NOVA1: variants seen among roughly 807,000 people sequenced by gnomAD.
NOVA1 encodes NOVA alternative splicing regulator 1.
A neutral mutation model predicts 38.0 loss-of-function variants in NOVA1; 7 were observed. That is an observed-to-expected ratio of 0.18 (90% CI 0.10 to 0.35). The LOEUF is 0.35. Among genes scored for constraint, NOVA1 ranks in the 10% least tolerant of loss-of-function variants. The pLI is 1.00. For synonymous variants in NOVA1, 270 were observed against 232.5 expected, an observed-to-expected ratio of 1.16 and a Z score of -1.47; for missense variants, 460 against 616.0, an observed-to-expected ratio of 0.75 and a Z score of 2.68.
At chr14:26,568,536 G>A (rs1485722556) in intron 2 of NOVA1, 1 of 152,114 alleles carries the variant, frequency 6.6e-6, no homozygotes, top group Non-Finnish European at 1.5e-5. Flanking sequence ...GACAGTATAA[G>A]CAAGGAAACC....
chr14:26,449,155 G>T (rs1175215057), intron 4 of NOVA1, among the ~76,000 whole-genome samples, 192 bp from the exon 5 acceptor site: 3 of 151,952 alleles, frequency 2.0e-5, no homozygotes, highest in African/African-American at 7.3e-5. Context: ...AATTTTCAAA[G>T]GAAAAACTCA....
In NOVA1 at chr14:26,448,977, A is replaced by C; in HGVS notation, c.520-14T>G. ...TATAATCTTTACCTGTAATTAAAAAAAATACGTATAAATAATACTTCTGTT... is the reference window on the plus strand; with the variant it reads ...TATAATCTTTACCTGTAATTAAAAACAATACGTATAAATAATACTTCTGTT... On this transcript the variant is annotated splice_polypyrimidine_tract_variant and intron_variant, in intron 4 of 4. Coordinates refer to ENST00000539517, the MANE Select transcript of NOVA1 (RefSeq NM_002515.3). This position sits in a 1 kb window ranked among gnomAD's most constrained non-coding sequence, Gnocchi z 5.3. 6.3e-7 allele frequency: 1 copy of C among 1,578,972 alleles called. No homozygotes were observed.
intron 2 of NOVA1, among the ~76,000 whole-genome samples, chr14:26,505,850 G>T (rs1373593326): frequency 2.0e-5 from 3 of 152,068 alleles, no homozygotes; most frequent in African/African-American, 7.2e-5. Flanking sequence ...CATAGTGTTT[G>T]AAATATTTTA....
At chr14:26,473,596 C>T (rs959488454) in intron 3 of NOVA1, among the ~76,000 whole-genome samples, 4 of 151,658 alleles carry the variant, frequency 2.6e-5, no homozygotes, top group Admixed American at 1.3e-4. Flanking sequence ...AATTTGCGTA[C>T]AATAAAGCCA....
intron 2 of NOVA1, among the ~76,000 whole-genome samples, chr14:26,554,626 T>C (rs1052055911): frequency 6.6e-6 from 1 of 152,050 alleles, no homozygotes; most frequent in South Asian, 2.1e-4. Context: ...ATTTGACTAA[T>C]CATAAACAAA....
intron 2 of NOVA1, among the ~76,000 whole-genome samples, chr14:26,542,790 AAATT>A (rs1039144675): frequency 1.3e-5 from 2 of 151,508 alleles, no homozygotes; most frequent in African/African-American, 2.4e-5. Flanking sequence ...CTATTTAATT[AAATT>A]AATTAGTTAT....
rs1233829570 is a variant in NOVA1 at position 26,580,596 on chromosome 14, A to G, written c.280+14814T>C. 3.9e-5 allele frequency among the ~76,000 whole-genome samples: 6 copies of G among 152,248 alleles called. No homozygotes were observed. In the East Asian group the frequency reaches 1.2e-3, roughly 29 times the overall value. ...ACACCTTACAGTATTTAGAAGCTCC[A>G]TAAACCCATTAATCAACATAGGTGG... On this transcript the variant is annotated intron_variant, in intron 2 of 4. Transcript: ENST00000539517.
At chr14:26,470,583 A>C (rs1287052520) in intron 4 of NOVA1, 2 of 897,856 alleles carry the variant, frequency 2.2e-6, no homozygotes, top group African/African-American at 3.3e-5. Flanking sequence ...TTATTATTTC[A>C]AAATAGCAAA....
chr14:26,448,845 C>T lies in NOVA1; in HGVS notation c.638G>A (p.Gly213Glu). The change falls in exon 5 of 5, where the codon GGG (glycine) becomes GAG (glutamate). Residue 213 changes from glycine to glutamate, a missense_variant. Coordinates refer to ENST00000539517, the MANE Select transcript of NOVA1 (RefSeq NM_002515.3). The surrounding 1 kb of genome is among the most constrained non-coding windows in gnomAD (Gnocchi z 5.3). The stretch of plus-strand genomic sequence containing the variant: ...GACAACCCTCTCTTGCAAGTTGATC[C>T]CATCAGGTTTCTGGGAAAGCTGCAC... ...AWVQLSQKPD[G>E]INLQERVVTV... is the part of the protein sequence containing the mutation. 6.2e-7 allele frequency: 1 copy of T among 1,614,006 alleles called. No individual in the cohort carries two copies. The highest frequency in any genetic ancestry group is 2.2e-5 in the East Asian group (1 of 44,846).
At chr14:26,500,429 C>G (rs1315706866) in intron 2 of NOVA1, among the ~76,000 whole-genome samples, 1 of 151,716 alleles carries the variant, frequency 6.6e-6, no homozygotes, top group Non-Finnish European at 1.5e-5. Flanking sequence ...AAGGGGCCAT[C>G]CCAGGAAAAG....
In NOVA1 at chr14:26,470,196, T is replaced by C. The variant is rs1163422511; in HGVS notation, c.519+2124A>G. The C allele has an allele frequency of 4.1e-6, 4 of 964,842 alleles. No individual in the cohort carries two copies. The East Asian group carries it at 1.3e-4, about 32-fold the overall frequency. The allele number at this position is 964,842 out of a possible 1,614,324, so 59.8% of individuals were successfully genotyped here. A position where few individuals can be genotyped will look rare whatever the true frequency, so the allele number is the denominator to read the frequency against. On this transcript the variant is annotated intron_variant, in intron 4 of 4. Coordinates refer to ENST00000539517, the MANE Select transcript of NOVA1 (RefSeq NM_002515.3). ...TCTTTTCATTACAATTAGCTTAAGA[T>C]GATCATATTAAAACCTATTTTCTTA...
intron 2 of NOVA1, among the ~76,000 whole-genome samples, chr14:26,533,905 GA>G (rs1167971797): frequency 6.6e-6 from 1 of 152,028 alleles, no homozygotes; most frequent in Non-Finnish European, 1.5e-5. Flanking sequence ...GCCAAGAAAT[GA>G]AAAAGGCCTA....
At chr14:26,589,711 G>A (rs555497515) in intron 2 of NOVA1, among the ~76,000 whole-genome samples, 3 of 151,864 alleles carry the variant, frequency 2.0e-5, no homozygotes, top group East Asian at 3.9e-4. Context: ...GTGGCATAGT[G>A]AAATGTAAAT....
At chr14:26,457,823 A>T (rs1234390978) in intron 4 of NOVA1, among the ~76,000 whole-genome samples, 1 of 152,094 alleles carries the variant, frequency 6.6e-6, no homozygotes, top group Non-Finnish European at 1.5e-5. Flanking sequence ...AGTGCCCCCA[A>T]AGATCTTTCA....
At chr14:26,449,220 G>A (rs1160811667) in intron 4 of NOVA1, among the ~76,000 whole-genome samples, 2 of 152,002 alleles carry the variant, frequency 1.3e-5, no homozygotes, top group African/African-American at 4.8e-5. Flanking sequence ...TGTGAATTTT[G>A]CAACAGAATT....
chr14:26,513,325 T>C (rs1888230212), intron 2 of NOVA1, among the ~76,000 whole-genome samples: 1 of 151,964 alleles, frequency 6.6e-6, no homozygotes, highest in South Asian at 2.1e-4. Context: ...GCAAAATTAG[T>C]AATTTTCTAG....
intron 2 of NOVA1, chr14:26,549,575 C>A (rs935084573): frequency 1.6e-5 from 5 of 312,232 alleles, no homozygotes; most frequent in African/African-American, 1.1e-4. Flanking sequence ...GAGAGCAGCA[C>A]TAAGTTTAAC....
At chr14:26,509,389 G>A (rs1170858352) in intron 2 of NOVA1, among the ~76,000 whole-genome samples, 4 of 152,038 alleles carry the variant, frequency 2.6e-5, no homozygotes, top group Non-Finnish European at 4.4e-5. Flanking sequence ...TAGTGGGAGT[G>A]AAAAGATTGA....
chr14:26,569,792 G>C (rs1450230130), intron 2 of NOVA1, among the ~76,000 whole-genome samples: 1 of 152,106 alleles, frequency 6.6e-6, no homozygotes, highest in Non-Finnish European at 1.5e-5. Context: ...AAGAATCAGT[G>C]CTAGCTTCTT....
Sources: allele counts gnomAD v4.1 joint callset (sites outside exome capture counted in the v4.1 genomes callset), GRCh38; gene constraint gnomAD v4.1.1; non-coding constraint Gnocchi (gnomAD v3.1); transcripts MANE v1.5; gene names NCBI Gene and HGNC (gene_info 2026-07-23, HGNC 2026-07-21).